Variants in MUC12 observed in about 807,000 individuals in gnomAD.
MUC12 encodes the protein mucin 12, cell surface associated, also known as mucin-12.
In MUC12, 172 loss-of-function variants were observed where a neutral mutation model predicts 230.8. The ratio of observed to expected loss-of-function variants is 0.75; its 90% CI spans 0.66 to 0.85. The LOEUF (loss-of-function observed/expected upper bound fraction) is 0.85. Among genes scored for constraint, MUC12 ranks in the 40% least tolerant of loss-of-function variants. The pLI is 0.00. For missense variants in MUC12, 3,506 were observed against 5,920.6 expected (o/e 0.59, Z 13.38); for synonymous variants, 1,259 against 2,401.9 (o/e 0.52, Z 13.91).
Position 100,991,338 on chromosome 7 carries a change from C to A in MUC12, c.775C>A (p.Pro259Thr), listed in dbSNP as rs1324887537. 6.5e-7 allele frequency: 1 copy of A among 1,537,514 alleles called. No homozygotes were observed. Among genetic ancestry groups the A allele is most frequent in the Non-Finnish European group, 8.7e-7 (1 of 1,147,010 alleles). Residue 259 changes from proline (P) to threonine (T), a missense_variant, in exon 2 of 12, where the codon CCA (proline) becomes ACA (threonine). Physicochemically the swap from Pro to Thr is conservative, Grantham distance 38 (BLOSUM62 -1). Transcript: ENST00000536621. The part of the protein sequence containing the change: ...STPVHSSTGS[P>T]HTTLSPSSST... ...GCCCGTCCACAGCAGCACTGGATCG[C>A]CACACACAACACTGTCCCCTTCCAG...
chr7:100,983,488 G>A (rs957242599), intron 1 of MUC12, among the ~76,000 whole-genome samples: 13 of 151,852 alleles, frequency 8.6e-5, no homozygotes, highest in African/African-American at 2.9e-4. Context: ...GTTTATATTT[G>A]GTAACTAAGA....
At chr7:100,976,784 C>G (rs887083225) in intron 1 of MUC12, among the ~76,000 whole-genome samples, 1 of 151,904 alleles carries the variant, frequency 6.6e-6, no homozygotes, top group Non-Finnish European at 1.5e-5. Flanking sequence ...GGCGTGGTGT[C>G]TCACGCCTGT....
At chr7:101,014,203 G>C in intron 9 of MUC12, 129 bp downstream of exon 9, 1 of 1,150,500 alleles carries the variant, frequency 8.7e-7, no homozygotes, top group Non-Finnish European at 1.2e-6. Context: ...AGGCCAGATG[G>C]GGTGCCCAGA....
chr7:101,011,975 T>A (rs575041833), intron 5 of MUC12, among the ~76,000 whole-genome samples: 4 of 152,354 alleles, frequency 2.6e-5, no homozygotes, highest in Non-Finnish European at 5.9e-5. Flanking sequence ...CTGTTTTCCA[T>A]AGCAGCTGCA....
intron 1 of MUC12, among the ~76,000 whole-genome samples, chr7:100,970,870 A>G (rs376136294): frequency 9.9e-5 from 15 of 152,008 alleles, no homozygotes; most frequent in East Asian, 3.9e-4. Flanking sequence ...GGTGGCGGGC[A>G]CCTGTAGTCC....
At chr7:100,975,030 T>TTCTCCAGC (rs1306575593) in intron 1 of MUC12, among the ~76,000 whole-genome samples, 4 of 152,304 alleles carry the variant, frequency 2.6e-5, no homozygotes, top group Non-Finnish European at 5.9e-5. Context: ...GGGTCTCCAG[T>TTCTCCAGC]TGGGCCTGTT....
chr7:101,008,609 C>T (rs754027524), intron 3 of MUC12, 25 bp from the exon 4 acceptor site: 23 of 1,534,642 alleles, frequency 1.5e-5, no homozygotes, highest in South Asian at 2.4e-5. Context: ...CGCTGTCTCA[C>T]GCATACCATG....
chr7:100,987,392 T>C (rs1793208151), intron 1 of MUC12, among the ~76,000 whole-genome samples: 1 of 152,174 alleles, frequency 6.6e-6, no homozygotes, highest in Admixed American at 6.5e-5. Flanking sequence ...TTTACAGTTG[T>C]AGCCCTTTGA....
rs1793860105 is a variant in MUC12, at chr7:101,012,969, C to A, written c.15476-11C>A. 6.5e-7 allele frequency: 1 copy of A among 1,537,300 alleles called. No individual in the cohort carries two copies. ...CCAGGCTCATGCATGCTGCCCGCCCCTCTCCCTCAGAGCAATGCACCCAGA... is the reference window on the plus strand; with the variant it reads ...CCAGGCTCATGCATGCTGCCCGCCCATCTCCCTCAGAGCAATGCACCCAGA... On this transcript the variant is annotated splice_polypyrimidine_tract_variant and intron_variant, in intron 7 of 11. Transcript: ENST00000536621.
chr7:100,992,396 C>T lies in MUC12; in HGVS notation c.1833C>T (p.Ser611=). 6.7e-7 allele frequency: 1 copy of T among 1,502,434 alleles called. No individual in the cohort carries two copies. Among genetic ancestry groups the T allele is most frequent in the Non-Finnish European group, 9.0e-7 (1 of 1,115,596 alleles). The allele number at this position is 1,502,434 out of a possible 1,614,324, so 93.1% of individuals were successfully genotyped here. A position where few individuals can be genotyped will look rare whatever the true frequency, so the allele number is the denominator to read the frequency against. ...AAGCATCTATGCCCGTCCACAGCAG[C>T]ACCAGATCGCCACACACAACACTGT... is the stretch of plus-strand genomic sequence containing the variant. ...LLEASMPVHS[S]TRSPHTTLSP... The change falls in exon 2 of 12, where the codon AGC becomes AGT. Residue 611 remains serine, a synonymous_variant. Coordinates refer to ENST00000536621, the MANE Select transcript of MUC12 (RefSeq NM_001164462.2).
In MUC12 at chr7:101,008,710, T is replaced by C; in HGVS notation, c.15135T>C (p.Asn5045=). The C allele has an allele frequency of 6.5e-7, 1 of 1,537,262 alleles. No homozygotes were observed. ...VTYRNFTEKM[N]DASSQEYQNF... Reference sequence around the variant, plus strand: ...ACAGAAATTTCACAGAAAAGATGAATGACGCATCCTCCCAGGAATACCAGA... The same window carrying C: ...ACAGAAATTTCACAGAAAAGATGAACGACGCATCCTCCCAGGAATACCAGA... The change falls in exon 4 of 12, where the codon AAT becomes AAC. Residue 5045 remains asparagine (N), a synonymous_variant. Transcript: ENST00000536621.
At position 101,004,767 on chromosome 7, in the gene MUC12, G is replaced by T. The variant is rs138470062; in HGVS notation, c.14204G>T (p.Ser4735Ile). Residue 4735 changes from serine to isoleucine, a missense_variant, in exon 2 of 12, where the codon AGT (serine) becomes ATT (isoleucine). By Grantham distance (142) the Ser-to-Ile change is moderately radical. Transcript: ENST00000536621. ...AGCACTGCCACAACACCAGGCCTCA[G>T]TGCAAAATCTACCATCCTTTACAGT... Reference protein sequence around the residue: ...LASTATTPGLSAKSTILYSSS... With the variant: ...LASTATTPGLIAKSTILYSSS... 10 of 1,537,322 alleles carry T rather than the reference G, an allele frequency of 6.5e-6. No homozygotes were observed. The highest frequency in any genetic ancestry group is 7.8e-6 in the Non-Finnish European group (9 of 1,146,680).
intron 1 of MUC12, among the ~76,000 whole-genome samples, 192 bp downstream of exon 1, chr7:100,969,881 T>A (rs1792819137): frequency 6.6e-6 from 1 of 152,310 alleles, no homozygotes; most frequent in Non-Finnish European, 1.5e-5. Flanking sequence ...TGGAGACCTG[T>A]GGGTGCCTGT....
chr7:100,997,333 C>G lies in MUC12; in HGVS notation c.6770C>G (p.Pro2257Arg). Reference protein sequence around the residue: ...SPGSTETTVFPRTPTTSVRGE... With the variant: ...SPGSTETTVFRRTPTTSVRGE... ...GGCTCAACTGAAACCACAGTGTTCC[C>G]TCGCACCCCCACAACCTCAGTTCGT... Residue 2257 changes from proline to arginine, a missense_variant, in exon 2 of 12, where the codon CCT becomes CGT. Physicochemically the swap from Pro to Arg is moderately radical, Grantham distance 103 (BLOSUM62 -2). Transcript: ENST00000536621. 1 of 221,882 alleles carries G rather than the reference C, an allele frequency of 4.5e-6. No homozygotes were observed. Among genetic ancestry groups the G allele is most frequent in the Non-Finnish European group, 5.2e-6 (1 of 190,518 alleles). 13.7% of individuals were successfully genotyped at this position (221,882 alleles called of 1,614,324 possible).
At position 100,993,522 on chromosome 7, in the gene MUC12, C is replaced by T. The variant is rs1189577664; in HGVS notation, c.2959C>T (p.Leu987Phe). The T allele has an allele frequency of 9.9e-7, 1 of 1,011,156 alleles. No homozygotes were observed. The allele number at this position is 1,011,156 out of a possible 1,614,324, so 62.6% of individuals were successfully genotyped here. A position where few individuals can be genotyped will look rare whatever the true frequency, so the allele number is the denominator to read the frequency against. ...CCCTGCCAGCTCCACAAGCCCTGGA[C>T]TTCAGGGAGAATCTACTGCCTTCCA... ...LSPASSTSPG[L>F]QGESTAFQTH... is the part of the protein sequence containing the mutation. The change falls in exon 2 of 12, where the codon CTT becomes TTT. Residue 987 changes from leucine to phenylalanine, a missense_variant. Coordinates refer to ENST00000536621, the MANE Select transcript of MUC12 (RefSeq NM_001164462.2).
Position 101,004,596 on chromosome 7 carries a change from G to T in MUC12, c.14033G>T (p.Gly4678Val). The T allele has an allele frequency of 1.3e-6, 2 of 1,536,644 alleles. No individual in the cohort carries two copies. Among genetic ancestry groups the T allele is most frequent in the South Asian group, 1.2e-5 (1 of 84,012 alleles). Reference sequence around the variant, plus strand: ...TTTCCTGAGAGCTCCACAACCTCCGGCCGTAGTGAGGAATCAACAGCATCC... The same window carrying T: ...TTTCCTGAGAGCTCCACAACCTCCGTCCGTAGTGAGGAATCAACAGCATCC... The part of the protein sequence containing the change: ...THFPESSTTS[G>V]RSEESTASHS... Residue 4678 changes from glycine (G) to valine (V), a missense_variant, in exon 2 of 12, where the codon GGC becomes GTC. Physicochemically the swap from Gly to Val is moderately radical, Grantham distance 109. Coordinates refer to ENST00000536621, the MANE Select transcript of MUC12 (RefSeq NM_001164462.2).
At chr7:101,014,284 C>T (rs967504940) in intron 9 of MUC12, 14 of 479,892 alleles carry the variant, frequency 2.9e-5, no homozygotes, top group African/African-American at 2.4e-4. Flanking sequence ...TGTTTTAGTC[C>T]ATTTTGTGCT....
chr7:101,015,033 T>C (rs1793894948), intron 9 of MUC12, among the ~76,000 whole-genome samples: 1 of 152,182 alleles, frequency 6.6e-6, no homozygotes, highest in African/African-American at 2.4e-5. Context: ...GACCTAATCA[T>C]GTCTTCAAGG....
chr7:101,011,530 T>G (rs1793840058), intron 5 of MUC12, among the ~76,000 whole-genome samples: 1 of 152,220 alleles, frequency 6.6e-6, no homozygotes, highest in South Asian at 2.1e-4. Flanking sequence ...CAAGCCATCC[T>G]CCTGACGTAG....
Sources: gnomAD v4.1 joint callset for allele counts (sites outside exome capture counted in the v4.1 genomes callset) on GRCh38, gnomAD v4.1.1 for gene constraint, MANE v1.5 for transcripts, NCBI Gene and HGNC (gene_info 2026-07-23, HGNC 2026-07-21) for gene names.